The following KCNQ1 variants were observed in gnomAD, a reference collection of about 807,000 sequenced individuals.
The protein encoded by KCNQ1 is potassium voltage-gated channel subfamily Q member 1.
Under a neutral mutation model 72.4 loss-of-function variants are expected in KCNQ1, and 49 were observed. That is an observed-to-expected ratio of 0.68 (90% confidence interval 0.54 to 0.86). The LOEUF (loss-of-function observed/expected upper bound fraction) is 0.86, where lower values mean the gene tolerates loss of function less well. Among genes scored for constraint, KCNQ1 ranks in the 40% least tolerant of loss-of-function variants. The pLI, the probability that KCNQ1 is intolerant of heterozygous loss-of-function variation, is 0.00. For missense variants in KCNQ1, 790 were observed against 945.1 expected (o/e 0.84, Z 2.15); for synonymous variants, 450 against 412.6 (o/e 1.09, Z -1.10).
chr11:2,472,620 C>T (rs983258534), intron 1 of KCNQ1, among the ~76,000 whole-genome samples: 1 of 150,680 alleles, frequency 6.6e-6, no homozygotes, highest in Non-Finnish European at 1.5e-5. Context: ...GGGTGTCATG[C>T]GGGGCTTTCT....
intron 10 of KCNQ1, among the ~76,000 whole-genome samples, chr11:2,604,180 A>G (rs2133780788): frequency 6.6e-6 from 1 of 152,138 alleles, no homozygotes; most frequent in South Asian, 2.1e-4. Context: ...CTGGGCATGA[A>G]AGAGATATGA....
At chr11:2,799,191 G>C (rs1448629172) in intron 15 of KCNQ1, among the ~76,000 whole-genome samples, 1 of 152,236 alleles carries the variant, frequency 6.6e-6, no homozygotes, top group Non-Finnish European at 1.5e-5. Context: ...GTGAGTGAGA[G>C]AGCAGCGCAG....
At chr11:2,546,900 G>C (rs1847908976) in intron 2 of KCNQ1, among the ~76,000 whole-genome samples, 1 of 152,194 alleles carries the variant, frequency 6.6e-6, no homozygotes, top group African/African-American at 2.4e-5. Flanking sequence ...CTTTGTCTGA[G>C]ATTAATATGG....
intron 11 of KCNQ1, chr11:2,694,928 G>T (rs1305328485): frequency 5.0e-6 from 2 of 398,596 alleles, no homozygotes; most frequent in Non-Finnish European, 8.8e-6. Flanking sequence ...GGCAGAGGTG[G>T]TGAAGGCCTT....
intron 11 of KCNQ1, among the ~76,000 whole-genome samples, chr11:2,751,150 G>T (rs1019059669): frequency 6.6e-6 from 1 of 152,164 alleles, no homozygotes; most frequent in Non-Finnish European, 1.5e-5. Flanking sequence ...GAACTACAAG[G>T]CAGTGACTGG....
At chr11:2,460,348 G>A (rs989570678) in intron 1 of KCNQ1, among the ~76,000 whole-genome samples, 2 of 152,350 alleles carry the variant, frequency 1.3e-5, no homozygotes, top group South Asian at 2.1e-4. Flanking sequence ...AGGGCTCTGT[G>A]GCTGGTGGAG....
Position 2,491,850 on chromosome 11 carries a change from A to T in KCNQ1, c.387-36078A>T, listed in dbSNP as rs1846840403. ...CAAGAAAAAAAAGACTTATAATTGA[A>T]CTCCATTATATCTGGCAGCAGAGTT... On this transcript the variant is annotated intron_variant, in intron 1 of 15. Coordinates refer to ENST00000155840, the MANE Select transcript of KCNQ1 (RefSeq NM_000218.3). This position sits in a 1 kb window ranked among gnomAD's most constrained non-coding sequence, Gnocchi z 4.1. 1.3e-5 allele frequency among the ~76,000 whole-genome samples: 2 copies of T among 152,002 alleles called. No homozygotes were observed. Among genetic ancestry groups the T allele is most frequent in the South Asian group, 4.1e-4 (2 of 4,830 alleles).
rs542627086 is a variant in KCNQ1 at position 2,733,888 on chromosome 11, G to C, written c.1515-34956G>C. ...CCACTTCAGGGCCTTCGCGCCCGCT[G>C]TTCCCCTGCCCTGCCAGGCGCACCA... On this transcript the variant is annotated intron_variant, in intron 11 of 15. Transcript: ENST00000155840. 2.4e-5 allele frequency among the ~76,000 whole-genome samples: 3 copies of C among 124,086 alleles called. No homozygotes were observed. In the South Asian group the frequency reaches 7.7e-4, roughly 32 times the overall value. The allele number at this position is 124,086 out of a possible 152,430, so 81.4% of individuals were successfully genotyped here. A position where few individuals can be genotyped will look rare whatever the true frequency, so the allele number is the denominator to read the frequency against.
intron 15 of KCNQ1, among the ~76,000 whole-genome samples, chr11:2,833,343 C>G (rs367956868): frequency 3.9e-5 from 6 of 152,212 alleles, no homozygotes; most frequent in Admixed American, 1.3e-4. Context: ...AGTCCTCCCC[C>G]CACCTGCCCA....
At position 2,768,012 on chromosome 11, in the gene KCNQ1, G is replaced by A. The variant is rs1208472115; in HGVS notation, c.1515-832G>A. Among the ~76,000 whole-genome samples, 1 of 152,200 alleles carries A rather than the reference G, an allele frequency of 6.6e-6. No individual in the cohort carries two copies. The highest frequency in any genetic ancestry group is 1.5e-5 in the Non-Finnish European group (1 of 68,042). On this transcript the variant is annotated intron_variant, in intron 11 of 15. Coordinates refer to ENST00000155840, the MANE Select transcript of KCNQ1 (RefSeq NM_000218.3). The surrounding 1 kb of genome is among the most constrained non-coding windows in gnomAD (Gnocchi z 6.7). ...GAGGAAACGCTCGGATGCAGGCGCA[G>A]CTCAGTTCATTTCCTTTCTATGTGG... is the stretch of plus-strand genomic sequence containing the variant.
chr11:2,568,794 C>G (rs1172370006), intron 2 of KCNQ1, among the ~76,000 whole-genome samples: 2 of 152,162 alleles, frequency 1.3e-5, no homozygotes, highest in African/African-American at 4.8e-5. Flanking sequence ...TCCCCAGGAG[C>G]TGAGGACAGA....
rs116417071 is a variant in KCNQ1, at chr11:2,511,031, T to C, written c.387-16897T>C. On this transcript the variant is annotated intron_variant, in intron 1 of 15. Transcript: ENST00000155840. ...GACGTCACCCTTTCTCTTTTCCCCA[T>C]TGGTGGTGGTTTTATGTGTTCATTT... is the stretch of plus-strand genomic sequence containing the variant. Among the ~76,000 whole-genome samples, 806 of 152,184 alleles carry C rather than the reference T, an allele frequency of 5.3e-3. 5 individuals carry two copies. The highest frequency in any genetic ancestry group is 0.016 in the African/African-American group (676 of 41,516).
At chr11:2,649,965 AG>A (rs1436880125) in intron 10 of KCNQ1, 1 of 398,396 alleles carries the variant, frequency 2.5e-6, no homozygotes, top group African/African-American at 2.1e-5. Flanking sequence ...TATGTCACGC[AG>A]GCATTCTTCA....
chr11:2,471,727 CGTGTGT>C lies in KCNQ1; in HGVS notation c.386+26244_386+26249del, dbSNP rs1846466871. ...ATAGGTGTGTGTATGTGTGCATGGGCGTGTGTATGTGTGCATGGGCGTGTGTGTACT... is the reference window on the plus strand; with the variant it reads ...ATAGGTGTGTGTATGTGTGCATGGGCATGTGTGCATGGGCGTGTGTGTACT... On this transcript the variant is annotated intron_variant, in intron 1 of 15. Transcript: ENST00000155840. This position sits in a 1 kb window ranked among gnomAD's most constrained non-coding sequence, Gnocchi z 4.8. Among the ~76,000 whole-genome samples, 1 of 135,128 alleles carries C rather than the reference CGTGTGT, an allele frequency of 7.4e-6. No individual in the cohort carries two copies. Among genetic ancestry groups the C allele is most frequent in the African/African-American group, 3.2e-5 (1 of 31,684 alleles). 88.6% of individuals were successfully genotyped at this position (135,128 alleles called of 152,430 possible).
At position 2,567,528 on chromosome 11, in the gene KCNQ1, C is replaced by T. The variant is rs146043384; in HGVS notation, c.478-3100C>T. On this transcript the variant is annotated intron_variant, in intron 2 of 15. Transcript: ENST00000155840. The surrounding 1 kb of genome is among the most constrained non-coding windows in gnomAD (Gnocchi z 6.6). ...TGTTGTCCCACACAGCCCAGGAGAG[C>T]GTTTGAGGCTGATGGTGGTGGAGAT... Among the ~76,000 whole-genome samples the T allele has an allele frequency of 4.9e-4, 74 of 152,294 alleles. No homozygotes were observed. The highest frequency in any genetic ancestry group is 1.6e-3 in the African/African-American group (68 of 41,552).
rs1174589508 is a variant in KCNQ1, at chr11:2,734,668, G to A, written c.1515-34176G>A. On this transcript the variant is annotated intron_variant, in intron 11 of 15. Transcript: ENST00000155840. This position sits in a 1 kb window ranked among gnomAD's most constrained non-coding sequence, Gnocchi z 7.0. ...GGTCTCGGGGGTAGCTTCCTGAAGAGATGAGTCAGGTCCCAGGCACATTCA... is the reference window on the plus strand; with the variant it reads ...GGTCTCGGGGGTAGCTTCCTGAAGAAATGAGTCAGGTCCCAGGCACATTCA... Among the ~76,000 whole-genome samples the A allele has an allele frequency of 4.4e-4, 67 of 151,724 alleles. No homozygotes were observed. Among genetic ancestry groups the A allele is most frequent in the Non-Finnish European group, 2.9e-5 (2 of 67,896 alleles).
intron 15 of KCNQ1, among the ~76,000 whole-genome samples, chr11:2,833,273 G>A (rs1406556741): frequency 6.6e-6 from 1 of 152,178 alleles, no homozygotes; most frequent in Non-Finnish European, 1.5e-5. Context: ...GGAGGCCTGT[G>A]GACTTCTGGA....
rs987815602 is a variant in KCNQ1, at chr11:2,515,830, C to G, written c.387-12098C>G. 2.6e-5 allele frequency among the ~76,000 whole-genome samples: 4 copies of G among 152,048 alleles called. No individual in the cohort carries two copies. The highest frequency in any genetic ancestry group is 5.9e-5 in the Non-Finnish European group (4 of 67,994). On this transcript the variant is annotated intron_variant, in intron 1 of 15. Transcript: ENST00000155840. The surrounding 1 kb of genome is among the most constrained non-coding windows in gnomAD (Gnocchi z 4.7). ...CCCAGCAGCCCTCGGCCCTGGGGGG[C>G]TTGTGCTCTGCCGGGCCACCTGCAC...
intron 2 of KCNQ1, among the ~76,000 whole-genome samples, chr11:2,561,911 A>G (rs2283170): frequency 0.44 from 66,418 of 151,886 alleles, 15,723 homozygotes; most frequent in African/African-American, 0.61. Context: ...ACTCAAGGTC[A>G]CGGGCTGCAC....
Sources: gnomAD v4.1 joint callset for allele counts (sites outside exome capture counted in the v4.1 genomes callset) on GRCh38, gnomAD v4.1.1 for gene constraint, Gnocchi (gnomAD v3.1) non-coding constraint, MANE v1.5 for transcripts, NCBI Gene and HGNC (gene_info 2026-07-23, HGNC 2026-07-21) for gene names.